Variants in AGBL4 observed in about 807,000 individuals in gnomAD.
AGBL4 encodes AGBL carboxypeptidase 4.
AGBL4 carries 58 observed loss-of-function variants against 66.4 expected under a neutral mutation model. The observed-to-expected ratio is 0.87, with a 90% CI of 0.71 to 1.09. AGBL4 has a LOEUF of 1.09. Ranked by LOEUF, AGBL4 falls within the 50% of genes least tolerant of loss-of-function variation. AGBL4 has a pLI of 0.00. For synonymous variants in AGBL4, 234 were observed against 222.9 expected (o/e 1.05, Z -0.44); for missense variants, 579 against 631.0 (o/e 0.92, Z 0.88).
chr1:48,878,842 C>T (rs1218057348), intron 5 of AGBL4, among the ~76,000 whole-genome samples: 3 of 152,248 alleles, frequency 2.0e-5, no homozygotes, highest in Admixed American at 1.3e-4. Flanking sequence ...CCTGCCCAGC[C>T]GGAGTAATGC....
intron 3 of AGBL4, among the ~76,000 whole-genome samples, chr1:49,555,961 G>A (rs1156808379): frequency 1.3e-5 from 2 of 152,188 alleles, no homozygotes; most frequent in Non-Finnish European, 2.9e-5. Flanking sequence ...CATTGTGGAA[G>A]ACAGTGTAGC....
intron 6 of AGBL4, among the ~76,000 whole-genome samples, chr1:48,772,654 A>G (rs999808750): frequency 6.6e-6 from 1 of 152,198 alleles, no homozygotes; most frequent in Non-Finnish European, 1.5e-5. Context: ...GAGCTACAGA[A>G]GGTTCTAATG....
chr1:48,703,056 C>G (rs1252449251), intron 6 of AGBL4, among the ~76,000 whole-genome samples: 2 of 152,044 alleles, frequency 1.3e-5, no homozygotes, highest in East Asian at 3.9e-4. Context: ...AATAAAACCT[C>G]CAAGAAACAA....
chr1:49,541,639 C>G (rs371550972), intron 3 of AGBL4, among the ~76,000 whole-genome samples: 492 of 152,252 alleles, frequency 3.2e-3, no homozygotes, highest in African/African-American at 0.012. Context: ...CCTGTGCAGC[C>G]CCAGCCTCCC....
At chr1:49,545,870 C>G (rs896399670) in intron 3 of AGBL4, among the ~76,000 whole-genome samples, 2 of 151,786 alleles carry the variant, frequency 1.3e-5, no homozygotes, top group East Asian at 1.9e-4. Context: ...GATTTTATAC[C>G]CTGTGTTTAT....
intron 3 of AGBL4, among the ~76,000 whole-genome samples, chr1:49,561,267 T>A (rs1292673142): frequency 2.6e-5 from 4 of 151,752 alleles, no homozygotes; most frequent in African/African-American, 9.7e-5. Context: ...ATTGTATATT[T>A]TTTGCTTTTT....
intron 8 of AGBL4, among the ~76,000 whole-genome samples, chr1:48,645,070 A>AG (rs1645813458): frequency 6.6e-6 from 1 of 152,232 alleles, no homozygotes; most frequent in Non-Finnish European, 1.5e-5. Context: ...CTGCCTCCAC[A>AG]GACATCTAGC....
intron 4 of AGBL4, among the ~76,000 whole-genome samples, chr1:49,129,374 A>G (rs1048087112): frequency 6.6e-6 from 1 of 151,954 alleles, no homozygotes; most frequent in Admixed American, 6.6e-5. Context: ...CAGGTTAGTT[A>G]CATATGTATA....
Position 49,936,583 on chromosome 1 carries a change from G to C in AGBL4, c.35-85065C>G, listed in dbSNP as rs532954882. On this transcript the variant is annotated intron_variant, in intron 1 of 13. Coordinates refer to ENST00000371839, the MANE Select transcript of AGBL4 (RefSeq NM_032785.4). ...AAGGAAAAAATGTTAAGGGCAGCCA[G>C]AGAGAAAGGTCGGGTTACCCACAAA... Among the ~76,000 whole-genome samples the C allele has an allele frequency of 1.7e-3, 260 of 152,324 alleles. 1 individual carries two copies. The highest frequency in any genetic ancestry group is 6.0e-3 in the African/African-American group (250 of 41,576).
intron 3 of AGBL4, among the ~76,000 whole-genome samples, chr1:49,587,272 A>AAAAAG (rs370323255): frequency 1.9e-4 from 29 of 152,142 alleles, no homozygotes; most frequent in Admixed American, 1.0e-3. Flanking sequence ...AAAGAAAAGA[A>AAAAAG]AAAAGAAAAG....
chr1:49,854,824 C>T (rs1159668093), intron 1 of AGBL4, among the ~76,000 whole-genome samples: 1 of 152,154 alleles, frequency 6.6e-6, no homozygotes, highest in Non-Finnish European at 1.5e-5. Flanking sequence ...TGCACAGTTC[C>T]CAGAGCCTGA....
intron 5 of AGBL4, among the ~76,000 whole-genome samples, chr1:48,951,400 A>G (rs966873045): frequency 1.3e-5 from 2 of 152,232 alleles, no homozygotes; most frequent in African/African-American, 4.8e-5. Context: ...TGGAAAATAC[A>G]TGATAGGCCA....
chr1:48,598,284 T>A (rs1395575545), intron 9 of AGBL4, among the ~76,000 whole-genome samples: 1 of 152,130 alleles, frequency 6.6e-6, no homozygotes, highest in Non-Finnish European at 1.5e-5. Context: ...CCCTAAGCAA[T>A]CACAGTACAG....
chr1:49,009,985 C>T (rs1313586910), intron 5 of AGBL4, among the ~76,000 whole-genome samples: 4 of 152,044 alleles, frequency 2.6e-5, no homozygotes, highest in African/African-American at 9.7e-5. Flanking sequence ...GGGATGCCCT[C>T]TCTCACCACT....
At chr1:48,618,617 CAAGGTCAA>C (rs1260294310) in intron 9 of AGBL4, among the ~76,000 whole-genome samples, 2 of 152,172 alleles carry the variant, frequency 1.3e-5, no homozygotes, top group African/African-American at 4.8e-5. Context: ...ATTATTAATC[CAAGGTCAA>C]AAGTAGCCAA....
intron 4 of AGBL4, among the ~76,000 whole-genome samples, chr1:49,171,597 T>C (rs1646739845): frequency 6.6e-6 from 1 of 152,196 alleles, no homozygotes; most frequent in South Asian, 2.1e-4. Context: ...AACTACAATA[T>C]GATAGTCATT....
chr1:49,386,431 A>T (rs758259784), intron 3 of AGBL4, among the ~76,000 whole-genome samples: 1 of 151,908 alleles, frequency 6.6e-6, no homozygotes, highest in Non-Finnish European at 1.5e-5. Flanking sequence ...TGATGTTCTG[A>T]TGTTAACCAA....
chr1:49,046,059 C>T (rs1209257408), intron 4 of AGBL4, among the ~76,000 whole-genome samples: 1 of 152,208 alleles, frequency 6.6e-6, no homozygotes, highest in Non-Finnish European at 1.5e-5. Flanking sequence ...ATTCTATTCA[C>T]TTGTTTATCC....
chr1:48,685,454 C>A (rs1433652417), intron 6 of AGBL4, among the ~76,000 whole-genome samples: 1 of 152,136 alleles, frequency 6.6e-6, no homozygotes, highest in African/African-American at 2.4e-5. Flanking sequence ...ATGACCCCCC[C>A]ATAGCCATCA....
Sources: gnomAD v4.1 joint callset for allele counts (sites outside exome capture counted in the v4.1 genomes callset) on GRCh38, gnomAD v4.1.1 for gene constraint, MANE v1.5 for transcripts, NCBI Gene and HGNC (gene_info 2026-07-23, HGNC 2026-07-21) for gene names.